Variants in TMEM132D observed in about 807,000 individuals in gnomAD.
TMEM132D encodes transmembrane protein 132D, also known as mature OL transmembrane protein.
A neutral mutation model predicts 62.3 loss-of-function variants in TMEM132D; 21 were observed. That is an observed-to-expected ratio of 0.34 (90% CI 0.24 to 0.49). The LOEUF is 0.49. Ranked by LOEUF, TMEM132D falls within the 20% of genes least tolerant of loss-of-function variation. The probability of loss-of-function intolerance (pLI) is 0.99; values close to 1 mark genes in which losing one functional copy is unlikely to be tolerated. For synonymous variants in TMEM132D, 621 were observed against 575.6 expected (o/e 1.08, Z -1.13); for missense variants, 1,346 against 1,402.8 (o/e 0.96, Z 0.65).
intron 1 of TMEM132D, among the ~76,000 whole-genome samples, chr12:129,719,096 A>AAAAAAAAAAAAAAAAAG (rs1555227254): frequency 1.4e-5 from 2 of 144,428 alleles, no homozygotes; most frequent in Non-Finnish European, 1.5e-5. Flanking sequence ...AAAAAAAAAA[A>AAAAAAAAAAAAAAAAAG]AAAGAAAAAA....
At chr12:129,333,978 G>A (rs1473600338) in intron 4 of TMEM132D, among the ~76,000 whole-genome samples, 1 of 152,066 alleles carries the variant, frequency 6.6e-6, no homozygotes, top group Non-Finnish European at 1.5e-5. Context: ...AAAATTAGCT[G>A]GGCCTGTTGG....
intron 5 of TMEM132D, among the ~76,000 whole-genome samples, chr12:129,163,225 T>C (rs1877449247): frequency 1.3e-5 from 2 of 152,236 alleles, no homozygotes; most frequent in African/African-American, 4.8e-5. Flanking sequence ...GTCTCAAAAT[T>C]GATGAAGCGT....
chr12:129,197,361 T>C (rs751118973), intron 5 of TMEM132D, among the ~76,000 whole-genome samples: 2 of 152,272 alleles, frequency 1.3e-5, no homozygotes, highest in African/African-American at 2.4e-5. Context: ...GGGCTGGAAA[T>C]GGGTACCACG....
chr12:129,477,976 T>C (rs1874320965), intron 3 of TMEM132D, among the ~76,000 whole-genome samples: 2 of 152,162 alleles, frequency 1.3e-5, no homozygotes, highest in Admixed American at 1.3e-4. Flanking sequence ...TAGAGTGGAC[T>C]TACACGAACC....
chr12:129,314,633 A>C (rs1248157719), intron 4 of TMEM132D, among the ~76,000 whole-genome samples: 1 of 152,120 alleles, frequency 6.6e-6, no homozygotes, highest in African/African-American at 2.4e-5. Context: ...GAATTTTAGA[A>C]TTGTTTTTTC....
intron 2 of TMEM132D, among the ~76,000 whole-genome samples, chr12:129,607,702 A>G (rs1294948413): frequency 2.6e-5 from 4 of 152,214 alleles, no homozygotes; most frequent in Admixed American, 6.5e-5. Context: ...ATGACCGACT[A>G]CAGGATGAAT....
At chr12:129,370,458 T>A (rs1443009762) in intron 3 of TMEM132D, among the ~76,000 whole-genome samples, 1 of 152,170 alleles carries the variant, frequency 6.6e-6, no homozygotes, top group Non-Finnish European at 1.5e-5. Context: ...GAGGCTGGGA[T>A]TCAGAGCCCC....
chr12:129,125,684 G>A (rs1193794588), intron 5 of TMEM132D, among the ~76,000 whole-genome samples: 2 of 150,484 alleles, frequency 1.3e-5, no homozygotes, highest in East Asian at 1.9e-4. Context: ...TTTTTTTTTG[G>A]TATAAACGGG....
At chr12:129,551,132 C>A (rs994970460) in intron 2 of TMEM132D, among the ~76,000 whole-genome samples, 1 of 152,244 alleles carries the variant, frequency 6.6e-6, no homozygotes, top group Non-Finnish European at 1.5e-5. Flanking sequence ...GGATCCCAAG[C>A]TTCAGGGATC....
intron 2 of TMEM132D, among the ~76,000 whole-genome samples, chr12:129,604,483 T>G (rs73157236): frequency 1.3e-5 from 2 of 152,250 alleles, no homozygotes; most frequent in African/African-American, 2.4e-5. Flanking sequence ...GGACATAAGT[T>G]TTCAACTCCT....
intron 4 of TMEM132D, among the ~76,000 whole-genome samples, chr12:129,249,753 C>T (rs1360605247): frequency 2.6e-5 from 4 of 152,036 alleles, no homozygotes; most frequent in Non-Finnish European, 5.9e-5. Flanking sequence ...TGAAAAGACC[C>T]CGAGTAGCTC....
intron 2 of TMEM132D, among the ~76,000 whole-genome samples, chr12:129,622,778 T>C (rs1286847932): frequency 6.6e-6 from 1 of 152,016 alleles, no homozygotes; most frequent in African/African-American, 2.4e-5. Context: ...GCCACAGGAG[T>C]GATCATGTGA....
At chr12:129,629,746 T>C (rs974753632) in intron 2 of TMEM132D, among the ~76,000 whole-genome samples, 2 of 152,202 alleles carry the variant, frequency 1.3e-5, no homozygotes, top group Admixed American at 6.5e-5. Context: ...ATGCATGACC[T>C]TGTATACAAA....
chr12:129,895,240 C>T (rs962360869), intron 1 of TMEM132D, among the ~76,000 whole-genome samples: 2 of 152,204 alleles, frequency 1.3e-5, no homozygotes, highest in African/African-American at 4.8e-5. Context: ...TCCCAGTGCC[C>T]AGCATCAGTA....
At chr12:129,159,497 C>T (rs1877336902) in intron 5 of TMEM132D, among the ~76,000 whole-genome samples, 2 of 152,152 alleles carry the variant, frequency 1.3e-5, no homozygotes, top group South Asian at 4.1e-4. Flanking sequence ...GCACTCACAC[C>T]TGTAATCTCA....
At chr12:129,579,898 G>C (rs1030798312) in intron 2 of TMEM132D, among the ~76,000 whole-genome samples, 1 of 152,186 alleles carries the variant, frequency 6.6e-6, no homozygotes, top group Non-Finnish European at 1.5e-5. Context: ...CTGCCAAAGG[G>C]AAAGCCTACG....
chr12:129,840,179 C>T (rs1326274496), intron 1 of TMEM132D: 1 of 152,204 alleles, frequency 6.6e-6, no homozygotes, highest in East Asian at 1.9e-4. Context: ...GGGTGAGAGA[C>T]CGCCGCTCCC....
chr12:129,430,482 G>C (rs1872624278), intron 3 of TMEM132D, among the ~76,000 whole-genome samples: 1 of 151,996 alleles, frequency 6.6e-6, no homozygotes, highest in Non-Finnish European at 1.5e-5. Context: ...TTAGCCCTTT[G>C]TTTTTCTTAT....
At chr12:129,725,026 C>A (rs1051742986) in intron 1 of TMEM132D, among the ~76,000 whole-genome samples, 12 of 152,144 alleles carry the variant, frequency 7.9e-5, no homozygotes, top group African/African-American at 1.4e-4. Flanking sequence ...CCTGGGCTAC[C>A]CTCTGGTTGT....
Sources: allele counts gnomAD v4.1 joint callset (sites outside exome capture counted in the v4.1 genomes callset), GRCh38; gene constraint gnomAD v4.1.1; transcripts MANE v1.5; gene names NCBI Gene and HGNC (gene_info 2026-07-23, HGNC 2026-07-21).